The following USP9X variants were observed in gnomAD, a reference collection of about 807,000 sequenced individuals.
USP9X encodes the protein ubiquitin specific peptidase 9 X-linked, also known as ubiquitin carboxyl-terminal hydrolase 9X.
In USP9X, 7 loss-of-function variants were observed where a neutral mutation model predicts 190.3. The observed-to-expected ratio is 0.04, with a 90% CI of 0.02 to 0.07. The LOEUF is 0.07. USP9X is among the 10% of genes least tolerant of loss of function. The probability of loss-of-function intolerance (pLI) is 1.00; values close to 1 mark genes in which losing one functional copy is unlikely to be tolerated. For synonymous variants in USP9X, 645 were observed against 659.5 expected, an observed-to-expected ratio of 0.98 and a Z score of 0.34; for missense variants, 1,010 against 1,916.9, an observed-to-expected ratio of 0.53 and a Z score of 8.83.
At chrX:41,147,339 G>T (rs1297082446) in intron 11 of USP9X, among the ~76,000 whole-genome samples, 1 of 107,763 alleles carries the variant, frequency 9.3e-6, no homozygotes, top group Non-Finnish European at 1.9e-5. Flanking sequence ...TATTCCTTTT[G>T]TTATTTTGTG....
rs1347021518 is a variant in USP9X at position 41,197,573 on chromosome X, TTTAA to T, written c.4380+70_4380+73del. Reference sequence around the variant, plus strand: ...AACCTTCTAAATGTTTATAATCAAATTTAATTAATTTATAGTAGTATCATGTCTT... The same window carrying T: ...AACCTTCTAAATGTTTATAATCAAATTTAATTTATAGTAGTATCATGTCTT... On this transcript the variant is annotated intron_variant, in intron 29 of 44. Coordinates refer to ENST00000378308, the MANE Select transcript of USP9X (RefSeq NM_001039591.3). 7.9e-5 allele frequency: 78 copies of T among 986,317 alleles called. 1 individual carries two copies. Among genetic ancestry groups the T allele is most frequent in the African/African-American group, 5.5e-4 (28 of 50,722 alleles). The allele number at this position is 986,317 out of a possible 1,213,427, so 81.3% of individuals were successfully genotyped here. A position where few individuals can be genotyped will look rare whatever the true frequency, so the allele number is the denominator to read the frequency against.
intron 31 of USP9X, 72 bp downstream of exon 31, chrX:41,201,352 A>T: frequency 1.0e-6 from 1 of 992,506 alleles, no homozygotes; most frequent in Admixed American, 2.3e-5. Flanking sequence ...CTCTTAAGAG[A>T]GTGTTATACT....
chrX:41,122,053 T>C (rs755018743), intron 1 of USP9X, among the ~76,000 whole-genome samples: 44 of 110,953 alleles, frequency 4.0e-4, no homozygotes, highest in Middle Eastern at 4.6e-3. Context: ...TGGAGTATTA[T>C]GTAGTTTGAA....
chrX:41,159,616 G>A (rs953374583), intron 14 of USP9X, among the ~76,000 whole-genome samples: 2 of 109,742 alleles, frequency 1.8e-5, no homozygotes, highest in Non-Finnish European at 3.8e-5. Context: ...TGCAACCTCC[G>A]CGTCCTGGGT....
intron 14 of USP9X, among the ~76,000 whole-genome samples, chrX:41,154,622 T>A (rs762753058): frequency 1.8e-5 from 2 of 111,906 alleles, no homozygotes; most frequent in Non-Finnish European, 3.8e-5. Context: ...ATGATTACAT[T>A]CTTCAGTTTT....
chrX:41,151,746 C>T lies in USP9X; in HGVS notation c.1763+689C>T, dbSNP rs757010793. 8.0e-5 allele frequency among the ~76,000 whole-genome samples: 9 copies of T among 112,360 alleles called. No homozygotes were observed. In the Middle Eastern group the frequency reaches 0.014, roughly 172 times the overall value. ...CTATAATCCCAGAACTTTGGGAGGC[C>T]GAGGAGGGCGGATCACCTGAGGCCA... On this transcript the variant is annotated intron_variant, in intron 13 of 44. Coordinates refer to ENST00000378308, the MANE Select transcript of USP9X (RefSeq NM_001039591.3).
chrX:41,217,299 A>C lies in USP9X; in HGVS notation c.6165A>C (p.Thr2055=). ...IQLAARFLFT[T]GFHTKKVVRG... ...TTGCTGCTAGGTTCCTCTTTACTAC[A>C]GGATTTCACACAAAGAAAGTAGTCC... Residue 2055 remains threonine (T), a synonymous_variant, in exon 36 of 45, where the codon ACA becomes ACC. Coordinates refer to ENST00000378308, the MANE Select transcript of USP9X (RefSeq NM_001039591.3). 1 of 1,210,593 alleles carries C rather than the reference A, an allele frequency of 8.3e-7. No homozygotes were observed. Among genetic ancestry groups the C allele is most frequent in the Non-Finnish European group, 1.1e-6 (1 of 894,849 alleles).
chrX:41,163,221 C>T (rs983966006), intron 15 of USP9X, among the ~76,000 whole-genome samples: 2 of 111,060 alleles, frequency 1.8e-5, no homozygotes, highest in South Asian at 3.8e-4. Context: ...ACTAAGGAAA[C>T]GGGGGCAAAA....
intron 32 of USP9X, among the ~76,000 whole-genome samples, chrX:41,210,230 G>T (rs1223464735): frequency 8.9e-6 from 1 of 111,816 alleles, no homozygotes; most frequent in Non-Finnish European, 1.9e-5. Context: ...CATCCTTCCT[G>T]GAGCCGTACT....
chrX:41,101,511 C>T (rs759154046), intron 1 of USP9X, among the ~76,000 whole-genome samples: 4 of 110,346 alleles, frequency 3.6e-5, no homozygotes, highest in East Asian at 2.8e-4. Context: ...TGCTTGGACC[C>T]GGGAGGTTGG....
At chrX:41,153,767 C>T (rs2062551360) in intron 14 of USP9X, among the ~76,000 whole-genome samples, 1 of 111,646 alleles carries the variant, frequency 9.0e-6, no homozygotes, top group Non-Finnish European at 1.9e-5. Context: ...AAATTCATAC[C>T]CCTTTCCCCA....
At chrX:41,198,776 A>G (rs760663610) in intron 30 of USP9X, 26 bp downstream of exon 30, 2 of 1,111,303 alleles carry the variant, frequency 1.8e-6, no homozygotes, top group South Asian at 2.0e-5. Context: ...AGAATGTGAT[A>G]ATTGATCATT....
In USP9X at chrX:41,235,745, CAG is replaced by C. The variant is rs1296745936; in HGVS notation, c.*3222_*3223del. ...GATTTTTCTCCTGGTGATAATTTCCCAGCCTTGTGTCTTTTAGCTGTTGTGTA... is the reference window on the plus strand; with the variant it reads ...GATTTTTCTCCTGGTGATAATTTCCCCCTTGTGTCTTTTAGCTGTTGTGTA... On this transcript the variant is annotated 3_prime_UTR_variant, in exon 45 of 45. Transcript: ENST00000378308. The C allele has an allele frequency of 9.0e-6, 1 of 111,318 alleles. No individual in the cohort carries two copies. The highest frequency in any genetic ancestry group is 9.6e-5 in the Admixed American group (1 of 10,395). 9.2% of individuals were successfully genotyped at this position (111,318 alleles called of 1,213,427 possible). A position where few individuals can be genotyped will look rare whatever the true frequency, so the allele number is the denominator to read the frequency against.
rs774054468 is a variant in USP9X, at chrX:41,229,781, T to TA, written c.7431+9dup. ...GCTTGTGAACTCTGTCCAGAGGAGG[T>TA]AAAAAAAGCCACCAGTGTGCAGCAG... On this transcript the variant is annotated splice_region_variant and intron_variant, in intron 43 of 44. Coordinates refer to ENST00000378308, the MANE Select transcript of USP9X (RefSeq NM_001039591.3). The TA allele has an allele frequency of 5.1e-5, 62 of 1,210,025 alleles. No individual in the cohort carries two copies. Among genetic ancestry groups the TA allele is most frequent in the Non-Finnish European group, 6.0e-5 (54 of 895,159 alleles).
At chrX:41,199,076 C>G (rs1007640937) in intron 30 of USP9X, among the ~76,000 whole-genome samples, 2 of 110,570 alleles carry the variant, frequency 1.8e-5, no homozygotes, top group African/African-American at 6.6e-5. Flanking sequence ...CCCAGCTACT[C>G]AGGAGGCTGA....
At chrX:41,114,339 T>A (rs1397425135) in intron 1 of USP9X, among the ~76,000 whole-genome samples, 1 of 111,804 alleles carries the variant, frequency 8.9e-6, no homozygotes, top group East Asian at 2.8e-4. Flanking sequence ...TACCATAGAT[T>A]GAGGTCTGAG....
At chrX:41,089,792 A>G (rs1265638467) in intron 1 of USP9X, among the ~76,000 whole-genome samples, 4 of 109,990 alleles carry the variant, frequency 3.6e-5, no homozygotes, top group Non-Finnish European at 5.7e-5. Flanking sequence ...TAACAATAAC[A>G]GACATTTATT....
intron 31 of USP9X, among the ~76,000 whole-genome samples, chrX:41,203,197 A>T: frequency 8.9e-6 from 1 of 112,283 alleles, no homozygotes; most frequent in South Asian, 3.7e-4. Context: ...GTGGTAAAAT[A>T]CATATAACAT....
intron 6 of USP9X, among the ~76,000 whole-genome samples, chrX:41,137,737 G>C (rs1192068690): frequency 9.0e-6 from 1 of 111,319 alleles, no homozygotes; most frequent in African/African-American, 3.3e-5. Flanking sequence ...TCAAACTTAA[G>C]TTGAGATTTT....
Sources: gnomAD v4.1 joint callset for allele counts (sites outside exome capture counted in the v4.1 genomes callset) on GRCh38, gnomAD v4.1.1 for gene constraint, MANE v1.5 for transcripts, NCBI Gene and HGNC (gene_info 2026-07-23, HGNC 2026-07-21) for gene names.